Variants in AFF3 observed in about 807,000 individuals in gnomAD.
The protein encoded by AFF3 is ALF transcription elongation factor 3.
Under a neutral mutation model 129.7 loss-of-function variants are expected in AFF3, and 32 were observed. That is an observed-to-expected ratio of 0.25 (90% confidence interval 0.19 to 0.33). The LOEUF is 0.33. Among genes scored for constraint, AFF3 ranks in the 10% least tolerant of loss-of-function variants. The pLI, the probability that AFF3 is intolerant of heterozygous loss-of-function variation, is 1.00. For synonymous variants in AFF3, 644 were observed against 635.4 expected, an observed-to-expected ratio of 1.01 and a Z score of -0.20; for missense variants, 1,373 against 1,592.0, an observed-to-expected ratio of 0.86 and a Z score of 2.34.
intron 7 of AFF3, among the ~76,000 whole-genome samples, chr2:99,866,719 G>A (rs1304378698): frequency 6.6e-6 from 1 of 152,108 alleles, no homozygotes; most frequent in Admixed American, 6.5e-5. Flanking sequence ...GCTCACGCTT[G>A]TAATTCCAGC....
chr2:99,714,200 A>G (rs1309668024), intron 11 of AFF3, among the ~76,000 whole-genome samples: 1 of 152,128 alleles, frequency 6.6e-6, no homozygotes, highest in African/African-American at 2.4e-5. Context: ...CTCAGGTGAA[A>G]CTGACCTTTC....
chr2:99,815,385 C>G (rs1687141047), intron 8 of AFF3, among the ~76,000 whole-genome samples: 1 of 152,220 alleles, frequency 6.6e-6, no homozygotes, highest in Non-Finnish European at 1.5e-5. Flanking sequence ...AAACTCCATA[C>G]TCATTAAACA....
At chr2:99,764,862 C>T (rs1303103599) in intron 8 of AFF3, among the ~76,000 whole-genome samples, 1 of 151,876 alleles carries the variant, frequency 6.6e-6, no homozygotes, top group African/African-American at 2.4e-5. Flanking sequence ...ATCTCGTGCT[C>T]ATGATGAGAA....
At chr2:100,051,316 G>T (rs1055883401) in intron 4 of AFF3, among the ~76,000 whole-genome samples, 1 of 152,180 alleles carries the variant, frequency 6.6e-6, no homozygotes, top group Non-Finnish European at 1.5e-5. Flanking sequence ...CTGAGCCCAC[G>T]CAACGGCTCC....
chr2:99,897,889 C>T (rs961875727), intron 7 of AFF3, among the ~76,000 whole-genome samples: 3 of 151,842 alleles, frequency 2.0e-5, no homozygotes, highest in African/African-American at 7.3e-5. Context: ...ACTTAAGAGC[C>T]CCAGAACTCT....
At chr2:99,625,847 T>G (rs928265080) in intron 13 of AFF3, among the ~76,000 whole-genome samples, 5 of 152,216 alleles carry the variant, frequency 3.3e-5, no homozygotes, top group Admixed American at 6.5e-5. Context: ...GCTTTTGAAT[T>G]AGTTGAAGGG....
At position 99,618,393 on chromosome 2, in the gene AFF3, A is replaced by C. The variant is rs1267684824; in HGVS notation, c.1185-16772T>G. On this transcript the variant is annotated intron_variant, in intron 13 of 24. Transcript: ENST00000672756. ...TGGGATTACAGACACTCGCCATCAT[A>C]CCCAGCTAATTTTTGTATTTTTAGT... 4.0e-5 allele frequency among the ~76,000 whole-genome samples: 6 copies of C among 151,508 alleles called. No individual in the cohort carries two copies. In the East Asian group the frequency reaches 1.2e-3, roughly 29 times the overall value.
intron 14 of AFF3, among the ~76,000 whole-genome samples, chr2:99,595,824 T>C (rs1045758926): frequency 6.6e-6 from 1 of 152,140 alleles, no homozygotes; most frequent in Admixed American, 6.5e-5. Flanking sequence ...CCAAGAGGAA[T>C]TGGCCACAGA....
chr2:99,736,261 T>C (rs537619952), intron 10 of AFF3, among the ~76,000 whole-genome samples: 2 of 152,350 alleles, frequency 1.3e-5, no homozygotes, highest in East Asian at 3.9e-4. Context: ...TTGTGACTTT[T>C]ACTTTTAAAA....
At chr2:100,106,841 G>A in intron 2 of AFF3, 2 of 985,494 alleles carry the variant, frequency 2.0e-6, no homozygotes, top group Non-Finnish European at 2.4e-6. Context: ...TCACCATGGA[G>A]GCTGAAGATA....
At chr2:99,695,938 G>GAAAAAAAAAAAAAAAAAAAAAAC (rs1676196316) in intron 11 of AFF3, among the ~76,000 whole-genome samples, 1 of 57,648 alleles carries the variant, frequency 1.7e-5, no homozygotes, top group Non-Finnish European at 2.9e-5. Flanking sequence ...CTGGAAAAAT[G>GAAAAAAAAAAAAAAAAAAAAAAC]AAAAAAAAAA....
At chr2:99,901,302 T>C (rs908101178) in intron 7 of AFF3, among the ~76,000 whole-genome samples, 2 of 152,178 alleles carry the variant, frequency 1.3e-5, no homozygotes, top group Non-Finnish European at 2.9e-5. Flanking sequence ...CTCCTCTACA[T>C]GTGGATTATT....
chr2:100,105,987 T>C (rs1360990451), intron 2 of AFF3: 2 of 1,325,296 alleles, frequency 1.5e-6, no homozygotes, highest in Non-Finnish European at 2.0e-6. Flanking sequence ...TGGGTGCAAG[T>C]GACGGGATCC....
intron 17 of AFF3, among the ~76,000 whole-genome samples, chr2:99,581,810 C>A (rs1677580245): frequency 6.6e-6 from 1 of 150,616 alleles, no homozygotes; most frequent in Non-Finnish European, 1.5e-5. Flanking sequence ...TGAAGAGGAA[C>A]TAACATGTAG....
intron 12 of AFF3, among the ~76,000 whole-genome samples, chr2:99,658,308 A>C (rs1685932562): frequency 6.6e-6 from 1 of 152,022 alleles, no homozygotes; most frequent in Admixed American, 6.6e-5. Context: ...GGGCTGGGGG[A>C]CACATGCCTG....
chr2:99,749,875 C>T (rs1044856520), intron 9 of AFF3, among the ~76,000 whole-genome samples: 2 of 152,122 alleles, frequency 1.3e-5, no homozygotes, highest in Non-Finnish European at 2.9e-5. Context: ...GAGACAAATC[C>T]ATGTATTTAT....
At chr2:99,608,740 G>T (rs1355961071) in intron 13 of AFF3, among the ~76,000 whole-genome samples, 1 of 152,046 alleles carries the variant, frequency 6.6e-6, no homozygotes, top group African/African-American at 2.4e-5. Context: ...CAAATCTTTT[G>T]ATTTTTTTTC....
chr2:100,058,548 G>C (rs1197228198), intron 4 of AFF3, among the ~76,000 whole-genome samples: 1 of 152,160 alleles, frequency 6.6e-6, no homozygotes, highest in Non-Finnish European at 1.5e-5. Context: ...AGCTCATTAG[G>C]GACTCAGTAT....
chr2:99,837,409 G>A (rs913252623), intron 8 of AFF3, 68 bp downstream of exon 8: 18 of 1,450,124 alleles, frequency 1.2e-5, no homozygotes, highest in Non-Finnish European at 1.4e-5. Context: ...TCATGGAGCC[G>A]CAGGTTTCCT....
Sources: gnomAD v4.1 joint callset for allele counts (sites outside exome capture counted in the v4.1 genomes callset) on GRCh38, gnomAD v4.1.1 for gene constraint, MANE v1.5 for transcripts, NCBI Gene and HGNC (gene_info 2026-07-23, HGNC 2026-07-21) for gene names.